The following SGIP1 variants were observed in gnomAD, a reference collection of about 807,000 sequenced individuals.
SGIP1 encodes the protein SH3GL interacting endocytic adaptor 1.
Under a neutral mutation model 107.5 loss-of-function variants are expected in SGIP1, and 38 were observed. That is an observed-to-expected ratio of 0.35 (90% CI 0.27 to 0.46). SGIP1 has a LOEUF of 0.46. SGIP1 is among the 20% of genes least tolerant of loss of function. The pLI is 1.00. For missense variants in SGIP1, 929 were observed against 1,019.5 expected (o/e 0.91, Z 1.21); for synonymous variants, 365 against 366.1 (o/e 1.00, Z 0.03).
intron 7 of SGIP1, among the ~76,000 whole-genome samples, chr1:66,650,495 T>A (rs1442632395): frequency 6.6e-6 from 1 of 152,202 alleles, no homozygotes; most frequent in African/African-American, 2.4e-5. Flanking sequence ...ATTTTTCTTG[T>A]GGTTCAAACG....
chr1:66,564,367 G>T (rs922928359), intron 1 of SGIP1, among the ~76,000 whole-genome samples: 2 of 151,878 alleles, frequency 1.3e-5, no homozygotes, highest in African/African-American at 2.4e-5. Context: ...CTGGAACTAA[G>T]ATCTCCTTGG....
At chr1:66,630,853 A>AG (rs1558133316) in intron 2 of SGIP1, among the ~76,000 whole-genome samples, 4 of 32,724 alleles carry the variant, frequency 1.2e-4, no homozygotes, top group African/African-American at 6.3e-4. Flanking sequence ...GAAAGAAAGA[A>AG]AGAAAGAAAG....
At chr1:66,580,674 T>G (rs1413718084) in intron 1 of SGIP1, among the ~76,000 whole-genome samples, 1 of 152,166 alleles carries the variant, frequency 6.6e-6, no homozygotes, top group Non-Finnish European at 1.5e-5. Context: ...TATTTCTTTA[T>G]ATATTTGTTT....
intron 21 of SGIP1, among the ~76,000 whole-genome samples, chr1:66,734,503 T>TG (rs201180745): frequency 2.6e-5 from 4 of 151,076 alleles, no homozygotes; most frequent in African/African-American, 7.3e-5. Context: ...TAGATTTTTT[T>TG]GGTTTTTTTT....
At chr1:66,543,152 A>C (rs1199247296) in intron 1 of SGIP1, among the ~76,000 whole-genome samples, 3 of 152,204 alleles carry the variant, frequency 2.0e-5, no homozygotes, top group African/African-American at 7.2e-5. Context: ...TCAGTAGAAA[A>C]TTTCCACAAT....
rs571883310 is a variant in SGIP1, at chr1:66,646,538, A to G, written c.459+2819A>G. Among the ~76,000 whole-genome samples the G allele has an allele frequency of 5.9e-5, 9 of 152,324 alleles. No homozygotes were observed. In the South Asian group the frequency reaches 1.9e-3, roughly 32 times the overall value. ...TTATTCTTTTCATTTATTTGTTAAT[A>G]TGTATCCATGAACTATAACCAATTT... On this transcript the variant is annotated intron_variant, in intron 7 of 24. Coordinates refer to ENST00000371037, the MANE Select transcript of SGIP1 (RefSeq NM_032291.4).
chr1:66,580,817 C>A (rs985223411), intron 1 of SGIP1, among the ~76,000 whole-genome samples: 2 of 152,090 alleles, frequency 1.3e-5, no homozygotes, highest in African/African-American at 4.8e-5. Context: ...TGCTGAAATA[C>A]TTAATTGCTA....
intron 21 of SGIP1, among the ~76,000 whole-genome samples, chr1:66,735,149 C>T (rs1227650659): frequency 6.6e-6 from 1 of 151,960 alleles, no homozygotes; most frequent in Non-Finnish European, 1.5e-5. Flanking sequence ...CTCTGGTAAC[C>T]ACCATTCTAC....
chr1:66,728,899 A>G (rs897573633), intron 19 of SGIP1, among the ~76,000 whole-genome samples: 1 of 152,192 alleles, frequency 6.6e-6, no homozygotes, highest in Non-Finnish European at 1.5e-5. Context: ...TGGGAGCTGA[A>G]TAATGAGAAC....
intron 17 of SGIP1, among the ~76,000 whole-genome samples, chr1:66,691,358 T>A (rs2089819522): frequency 1.3e-5 from 2 of 152,138 alleles, no homozygotes; most frequent in Non-Finnish European, 2.9e-5. Flanking sequence ...CCCAGATAAA[T>A]AAGTTAAGGT....
At chr1:66,545,628 TTGTGTGTG>T (rs769603266) in intron 1 of SGIP1, among the ~76,000 whole-genome samples, 45 of 139,044 alleles carry the variant, frequency 3.2e-4, no homozygotes, top group East Asian at 8.9e-4. Flanking sequence ...ACTGAACAAA[TTGTGTGTG>T]TGTGTGTGTG....
intron 1 of SGIP1, among the ~76,000 whole-genome samples, chr1:66,622,250 C>T (rs1379303691): frequency 6.6e-6 from 1 of 152,132 alleles, no homozygotes; most frequent in East Asian, 1.9e-4. Flanking sequence ...CTTAGGCAAA[C>T]TCTCAGGCTC....
intron 1 of SGIP1, among the ~76,000 whole-genome samples, chr1:66,592,894 CTTCTTTTTTTT>C (rs1490427696): frequency 2.1e-5 from 2 of 94,164 alleles, no homozygotes; most frequent in African/African-American, 8.4e-5. Flanking sequence ...CTTTCTTCTT[CTTCTTTTTTTT>C]TTTTTTTTTT....
rs2094599547 is a variant in SGIP1, at chr1:66,749,745, T to TA, written c.*6651dup. Reference sequence around the variant, plus strand: ...CGCTCATTCAGTTTTACATTACTTTTATGAATTTTTTTTCTCGCAAAGTAA... The same window carrying TA: ...CGCTCATTCAGTTTTACATTACTTTTAATGAATTTTTTTTCTCGCAAAGTAA... On this transcript the variant is annotated 3_prime_UTR_variant, in exon 25 of 25. Coordinates refer to ENST00000371037, the MANE Select transcript of SGIP1 (RefSeq NM_032291.4). Among the ~76,000 whole-genome samples the TA allele has an allele frequency of 6.6e-6, 1 of 152,094 alleles. No individual in the cohort carries two copies. The highest frequency in any genetic ancestry group is 1.5e-5 in the Non-Finnish European group (1 of 67,956).
Position 66,721,176 on chromosome 1 carries a change from T to C in SGIP1, c.1742+1771T>C, listed in dbSNP as rs577539483. 9.2e-5 allele frequency among the ~76,000 whole-genome samples: 14 copies of C among 152,298 alleles called. No homozygotes were observed. The South Asian group carries it at 2.9e-3, about 32-fold the overall frequency. ...CCCCATATCAATAGAAATCACAAGC[T>C]ACCTCCTATAGAGCATACGTCTGAA... On this transcript the variant is annotated intron_variant, in intron 19 of 24. Coordinates refer to ENST00000371037, the MANE Select transcript of SGIP1 (RefSeq NM_032291.4).
At chr1:66,661,204 G>T (rs2081398163) in intron 8 of SGIP1, among the ~76,000 whole-genome samples, 1 of 152,190 alleles carries the variant, frequency 6.6e-6, no homozygotes, top group South Asian at 2.1e-4. Context: ...TTCTCTTCTT[G>T]GTTGCCTGGT....
intron 2 of SGIP1, among the ~76,000 whole-genome samples, chr1:66,631,891 C>T (rs2074839690): frequency 6.6e-6 from 1 of 152,140 alleles, no homozygotes; most frequent in African/African-American, 2.4e-5. Flanking sequence ...AAGCATAATA[C>T]GTATCGCTGT....
intron 12 of SGIP1, 99 bp downstream of exon 12, chr1:66,673,465 T>A: frequency 9.1e-7 from 1 of 1,098,726 alleles, no homozygotes; most frequent in Non-Finnish European, 1.2e-6. Flanking sequence ...ATATTTTTAA[T>A]ATATTATTTT....
upstream of SGIP1, chr1:66,533,682 C>A (rs1026130366): frequency 6.6e-6 from 1 of 152,270 alleles, no homozygotes; most frequent in Non-Finnish European, 1.5e-5. Flanking sequence ...GGTAAAAGGA[C>A]ACCGGAATGG....
Sources: allele counts gnomAD v4.1 joint callset (sites outside exome capture counted in the v4.1 genomes callset), GRCh38; gene constraint gnomAD v4.1.1; transcripts MANE v1.5; gene names NCBI Gene and HGNC (gene_info 2026-07-23, HGNC 2026-07-21).